Variants in BBX observed in about 807,000 individuals in gnomAD.
BBX encodes the protein BBX high mobility group box domain containing.
A neutral mutation model predicts 100.2 loss-of-function variants in BBX; 30 were observed. The observed-to-expected ratio is 0.30, with a 90% CI of 0.22 to 0.41. BBX has a LOEUF of 0.41. Ranked by LOEUF, BBX falls within the 10% of genes least tolerant of loss-of-function variation. The pLI is 1.00. For synonymous variants in BBX, 376 were observed against 388.1 expected, an observed-to-expected ratio of 0.97 and a Z score of 0.37; for missense variants, 1,023 against 1,129.8, an observed-to-expected ratio of 0.91 and a Z score of 1.35.
intron 3 of BBX, among the ~76,000 whole-genome samples, chr3:107,651,582 C>T (rs2057841097): frequency 6.6e-6 from 1 of 151,926 alleles, no homozygotes; most frequent in African/African-American, 2.4e-5. Flanking sequence ...AGCCAATTCA[C>T]ATTTTGTAAG....
chr3:107,685,302 C>A (rs1486997780), intron 3 of BBX, among the ~76,000 whole-genome samples: 1 of 152,118 alleles, frequency 6.6e-6, no homozygotes, highest in African/African-American at 2.4e-5. Flanking sequence ...TTACCTTGAT[C>A]CACTTTAACT....
At chr3:107,748,806 C>A (rs2064831178) in intron 9 of BBX, among the ~76,000 whole-genome samples, 1 of 151,934 alleles carries the variant, frequency 6.6e-6, no homozygotes, top group Admixed American at 6.5e-5. Flanking sequence ...ATGTCATAAA[C>A]CAACAATTTT....
At chr3:107,722,578 A>G (rs1176858172) in intron 5 of BBX, among the ~76,000 whole-genome samples, 2 of 151,992 alleles carry the variant, frequency 1.3e-5, no homozygotes, top group African/African-American at 4.8e-5. Context: ...CATTTCCACA[A>G]CACAACAAGC....
chr3:107,782,976 G>C (rs2068056177), intron 13 of BBX, among the ~76,000 whole-genome samples: 1 of 152,054 alleles, frequency 6.6e-6, no homozygotes, highest in South Asian at 2.1e-4. Flanking sequence ...CCTTCTAAAA[G>C]CCCTTCTGCA....
Position 107,808,556 on chromosome 3 carries a change from T to A in BBX, c.*3099T>A, listed in dbSNP as rs1170964538. ...ATTTCCTATGTAATTTTGAAGTGTGTAGAGTATATTATAGTAACTGAAGCT... is the reference window on the plus strand; with the variant it reads ...ATTTCCTATGTAATTTTGAAGTGTGAAGAGTATATTATAGTAACTGAAGCT... On this transcript the variant is annotated 3_prime_UTR_variant, in exon 18 of 18. Transcript: ENST00000325805. 3 of 152,166 alleles carry A rather than the reference T, an allele frequency of 2.0e-5. No individual in the cohort carries two copies. The highest frequency in any genetic ancestry group is 6.5e-5 in the Admixed American group (1 of 15,274). The allele number at this position is 152,166 out of a possible 1,614,324, so 9.4% of individuals were successfully genotyped here.
intron 15 of BBX, among the ~76,000 whole-genome samples, chr3:107,797,337 A>ATATATATATATATATATATATATAT (rs2069789795): frequency 7.6e-5 from 3 of 39,346 alleles, no homozygotes; most frequent in Admixed American, 3.5e-4. Context: ...TTTTCTTCCA[A>ATATATATATATATATATATATATAT]ATATATATAT....
intron 17 of BBX, among the ~76,000 whole-genome samples, chr3:107,804,676 C>T (rs2070899712): frequency 6.6e-6 from 1 of 152,132 alleles, no homozygotes; most frequent in African/African-American, 2.4e-5. Context: ...GTTCTCCCTC[C>T]ATGTGTATTG....
intron 3 of BBX, among the ~76,000 whole-genome samples, chr3:107,692,818 T>C (rs1172804887): frequency 2.1e-4 from 32 of 149,886 alleles, no homozygotes; most frequent in African/African-American, 7.6e-4. Context: ...CCACCAACAG[T>C]GTAAAAGTGT....
chr3:107,788,565 T>C (rs1271945767), intron 13 of BBX, among the ~76,000 whole-genome samples: 2 of 152,028 alleles, frequency 1.3e-5, no homozygotes, highest in African/African-American at 4.8e-5. Flanking sequence ...GGCGGATTGC[T>C]TGAGCCCAGC....
At chr3:107,622,390 T>G (rs2055845111) in intron 2 of BBX, among the ~76,000 whole-genome samples, 1 of 152,218 alleles carries the variant, frequency 6.6e-6, no homozygotes, top group Admixed American at 6.5e-5. Context: ...GTGTAAACAT[T>G]CATGTACAGA....
intron 7 of BBX, 133 bp downstream of exon 7, chr3:107,733,156 A>G: frequency 1.3e-6 from 1 of 779,126 alleles, no homozygotes; most frequent in Non-Finnish European, 2.0e-6. Context: ...CTTTCTCTTT[A>G]AGATCTTTCT....
intron 8 of BBX, among the ~76,000 whole-genome samples, chr3:107,746,620 AT>A (rs913422374): frequency 9.1e-4 from 133 of 146,920 alleles, no homozygotes; most frequent in African/African-American, 1.5e-3. Context: ...CTCTCTACTA[AT>A]TTTTTTTTTT....
At chr3:107,652,569 A>ACC (rs1437498376) in intron 3 of BBX, among the ~76,000 whole-genome samples, 9 of 152,240 alleles carry the variant, frequency 5.9e-5, no homozygotes, top group Non-Finnish European at 8.8e-5. Context: ...CTTAACATTA[A>ACC]GATCAATCTA....
chr3:107,763,859 T>C (rs2066133395), intron 10 of BBX, among the ~76,000 whole-genome samples: 1 of 152,292 alleles, frequency 6.6e-6, no homozygotes, highest in African/African-American at 2.4e-5. Flanking sequence ...GTGCGATTTT[T>C]ATTGACAGAG....
At chr3:107,707,172 A>G (rs2061441296) in intron 3 of BBX, among the ~76,000 whole-genome samples, 1 of 152,154 alleles carries the variant, frequency 6.6e-6, no homozygotes, top group Non-Finnish European at 1.5e-5. Flanking sequence ...CTAAAAATGT[A>G]CCTACTTTGT....
intron 5 of BBX, among the ~76,000 whole-genome samples, chr3:107,717,446 G>C (rs147597082): frequency 6.6e-6 from 1 of 152,112 alleles, no homozygotes; most frequent in East Asian, 1.9e-4. Context: ...ATCTTTTCTA[G>C]TGCTAACATT....
chr3:107,672,769 T>G (rs1259664886), intron 3 of BBX, among the ~76,000 whole-genome samples: 1 of 152,072 alleles, frequency 6.6e-6, no homozygotes, highest in East Asian at 1.9e-4. Context: ...TACATTCACT[T>G]TGAATGTGGA....
chr3:107,641,384 C>T (rs776377761), intron 2 of BBX, among the ~76,000 whole-genome samples: 1 of 152,108 alleles, frequency 6.6e-6, no homozygotes, highest in Non-Finnish European at 1.5e-5. Flanking sequence ...CAAGCCTTGC[C>T]GGTCATTTTT....
At chr3:107,544,418 C>T (rs1405303911) in intron 2 of BBX, among the ~76,000 whole-genome samples, 2 of 152,028 alleles carry the variant, frequency 1.3e-5, no homozygotes, top group Non-Finnish European at 2.9e-5. Context: ...GCATGACTTC[C>T]ACAGATGTAT....
Sources: allele counts gnomAD v4.1 joint callset (sites outside exome capture counted in the v4.1 genomes callset), GRCh38; gene constraint gnomAD v4.1.1; transcripts MANE v1.5; gene names NCBI Gene and HGNC (gene_info 2026-07-23, HGNC 2026-07-21).